CCSER1: variants seen among roughly 807,000 people sequenced by gnomAD.
The protein encoded by CCSER1 is coiled-coil serine rich protein 1, also known as serine-rich coiled-coil domain-containing protein 1.
Under a neutral mutation model 82.0 loss-of-function variants are expected in CCSER1, and 41 were observed. The ratio of observed to expected loss-of-function variants is 0.50; its 90% CI spans 0.39 to 0.65. The LOEUF is 0.65. Among genes scored for constraint, CCSER1 ranks in the 30% least tolerant of loss-of-function variants. CCSER1 has a pLI of 0.00. For missense variants in CCSER1, 1,119 were observed against 1,064.2 expected (o/e 1.05, Z -0.72); for synonymous variants, 414 against 383.9 (o/e 1.08, Z -0.92).
intron 10 of CCSER1, among the ~76,000 whole-genome samples, chr4:91,268,147 G>A (rs1277714488): frequency 6.6e-6 from 1 of 152,148 alleles, no homozygotes; most frequent in Non-Finnish European, 1.5e-5. Flanking sequence ...TACTGAGAAT[G>A]TTTGTTAAAA....
intron 1 of CCSER1, among the ~76,000 whole-genome samples, chr4:90,248,872 G>T (rs887793429): frequency 1.7e-4 from 26 of 150,662 alleles, no homozygotes; most frequent in African/African-American, 6.4e-4. Flanking sequence ...TAATTTTTGT[G>T]TTTTTTTTGT....
chr4:91,232,966 G>C (rs575332276), intron 10 of CCSER1, among the ~76,000 whole-genome samples: 7 of 151,918 alleles, frequency 4.6e-5, no homozygotes, highest in African/African-American at 7.2e-5. Context: ...GCTTCAAGAA[G>C]GGTACTCAAG....
At chr4:91,372,543 G>T (rs1181938590) in intron 10 of CCSER1, among the ~76,000 whole-genome samples, 1 of 147,966 alleles carries the variant, frequency 6.8e-6, no homozygotes, top group African/African-American at 2.5e-5. Context: ...TTCTTTTTTT[G>T]AAAAAAAAGC....
chr4:90,455,834 T>G (rs1033211130), intron 4 of CCSER1, among the ~76,000 whole-genome samples: 2 of 152,168 alleles, frequency 1.3e-5, no homozygotes, highest in Non-Finnish European at 2.9e-5. Flanking sequence ...GAGGGCCTAG[T>G]TGGCAGGAGT....
chr4:90,322,220 A>G (rs1487725027), intron 3 of CCSER1, among the ~76,000 whole-genome samples: 1 of 152,108 alleles, frequency 6.6e-6, no homozygotes, highest in Non-Finnish European at 1.5e-5. Flanking sequence ...TTCCAGCACC[A>G]TTTATTGAGG....
At chr4:90,965,800 G>T (rs1422667545) in intron 9 of CCSER1, among the ~76,000 whole-genome samples, 1 of 151,912 alleles carries the variant, frequency 6.6e-6, no homozygotes, top group Admixed American at 6.6e-5. Context: ...CATAAGAGAG[G>T]GAAAAAATAG....
chr4:90,232,404 A>G (rs893995163), intron 1 of CCSER1, among the ~76,000 whole-genome samples: 1 of 152,104 alleles, frequency 6.6e-6, no homozygotes, highest in Non-Finnish European at 1.5e-5. Context: ...TGGTGCTAGG[A>G]AAACTGGCTA....
intron 1 of CCSER1, among the ~76,000 whole-genome samples, chr4:90,195,560 A>C (rs1214220853): frequency 1.3e-5 from 2 of 152,100 alleles, no homozygotes; most frequent in African/African-American, 4.8e-5. Context: ...CCAAACCCAT[A>C]GGATACGCAA....
chr4:91,420,643 A>G (rs1388843330), intron 10 of CCSER1, among the ~76,000 whole-genome samples: 2 of 152,156 alleles, frequency 1.3e-5, no homozygotes, highest in Admixed American at 6.5e-5. Flanking sequence ...TTCTTCAAAG[A>G]TGAAAAATAG....
At chr4:90,226,912 T>C (rs1279979326) in intron 1 of CCSER1, among the ~76,000 whole-genome samples, 1 of 152,218 alleles carries the variant, frequency 6.6e-6, no homozygotes, top group African/African-American at 2.4e-5. Flanking sequence ...TTTCTTCCAA[T>C]GTAGGATTCA....
At chr4:91,454,502 C>T (rs1238441009) in intron 10 of CCSER1, among the ~76,000 whole-genome samples, 1 of 151,978 alleles carries the variant, frequency 6.6e-6, no homozygotes, top group Non-Finnish European at 1.5e-5. Flanking sequence ...ATAATCTCCC[C>T]ATCTCTGGAT....
At chr4:91,319,998 C>CT (rs1273867585) in intron 10 of CCSER1, among the ~76,000 whole-genome samples, 9 of 152,012 alleles carry the variant, frequency 5.9e-5, no homozygotes, top group Non-Finnish European at 1.0e-4. Flanking sequence ...TTCCGTCTAG[C>CT]CTGAGATGTG....
intron 1 of CCSER1, among the ~76,000 whole-genome samples, chr4:90,264,260 A>T (rs771324418): frequency 3.9e-5 from 6 of 152,070 alleles, no homozygotes; most frequent in Non-Finnish European, 8.8e-5. Flanking sequence ...TTCTACCCTC[A>T]CTTTCATAAA....
chr4:90,174,386 A>T (rs1732284466), intron 1 of CCSER1, among the ~76,000 whole-genome samples: 1 of 152,016 alleles, frequency 6.6e-6, no homozygotes. Context: ...AAATATATAA[A>T]GCTCTAATTT....
chr4:90,981,724 C>T (rs1454791103), intron 9 of CCSER1, among the ~76,000 whole-genome samples: 4 of 151,890 alleles, frequency 2.6e-5, no homozygotes, highest in Non-Finnish European at 5.9e-5. Flanking sequence ...AGGATAACTA[C>T]GTGAGCTCTG....
intron 10 of CCSER1, among the ~76,000 whole-genome samples, chr4:91,090,919 CCA>C (rs1213316789): frequency 2.0e-5 from 3 of 152,066 alleles, no homozygotes; most frequent in Non-Finnish European, 4.4e-5. Context: ...CATTTTGGGT[CCA>C]AGGGGTTTGT....
chr4:91,254,339 G>A (rs1740509040), intron 10 of CCSER1, among the ~76,000 whole-genome samples: 1 of 152,118 alleles, frequency 6.6e-6, no homozygotes, highest in Admixed American at 6.6e-5. Flanking sequence ...AAATTTTGGT[G>A]TATATATGTA....
intron 6 of CCSER1, among the ~76,000 whole-genome samples, chr4:90,658,352 G>C (rs1206764497): frequency 6.6e-6 from 1 of 152,170 alleles, no homozygotes; most frequent in Non-Finnish European, 1.5e-5. Context: ...AGGAATTAAA[G>C]TGATTCCAAG....
At chr4:90,765,405 T>C (rs1289376522) in intron 7 of CCSER1, among the ~76,000 whole-genome samples, 1 of 152,126 alleles carries the variant, frequency 6.6e-6, no homozygotes, top group Non-Finnish European at 1.5e-5. Context: ...CTAATATGGA[T>C]TTTCTTTAAA....
Sources: allele counts gnomAD v4.1 joint callset (sites outside exome capture counted in the v4.1 genomes callset), GRCh38; gene constraint gnomAD v4.1.1; transcripts MANE v1.5; gene names NCBI Gene and HGNC (gene_info 2026-07-23, HGNC 2026-07-21).